IQCB1: variants seen among roughly 807,000 people sequenced by gnomAD.
IQCB1 encodes IQ calmodulin-binding motif-containing protein 1.
In IQCB1, 56 loss-of-function variants were observed where a neutral mutation model predicts 84.4. The ratio of observed to expected loss-of-function variants is 0.66; its 90% CI spans 0.54 to 0.83. The LOEUF (loss-of-function observed/expected upper bound fraction) is 0.83. Among genes scored for constraint, IQCB1 ranks in the 40% least tolerant of loss-of-function variants. The probability of loss-of-function intolerance (pLI) is 0.00; values close to 1 mark genes in which losing one functional copy is unlikely to be tolerated. For missense variants in IQCB1, 629 were observed against 682.1 expected (o/e 0.92, Z 0.87); for synonymous variants, 210 against 234.8 (o/e 0.89, Z 0.96).
intron 5 of IQCB1, among the ~76,000 whole-genome samples, chr3:121,823,644 A>C (rs1950351832): frequency 6.6e-6 from 1 of 152,206 alleles, no homozygotes; most frequent in African/African-American, 2.4e-5. Context: ...GGCATCATGA[A>C]GACATTTTCA....
At chr3:121,803,707 T>C (rs1949497247) in intron 7 of IQCB1, among the ~76,000 whole-genome samples, 1 of 152,210 alleles carries the variant, frequency 6.6e-6, no homozygotes, top group African/African-American at 2.4e-5. Context: ...TAACCTTCTT[T>C]AGCACTAGAA....
rs1269288704 is a variant in IQCB1, at chr3:121,787,260, T to C, written c.1278+1024A>G. 1.0e-4 allele frequency among the ~76,000 whole-genome samples: 12 copies of C among 115,300 alleles called. No individual in the cohort carries two copies. The East Asian group carries it at 1.8e-3, about 18-fold the overall frequency. 75.6% of individuals were successfully genotyped at this position (115,300 alleles called of 152,430 possible). ...AATCTGTCACAGTAGAAAACTGAAATTGACCTAAAAATTCAGTAAGGATTG... is the reference window on the plus strand; with the variant it reads ...AATCTGTCACAGTAGAAAACTGAAACTGACCTAAAAATTCAGTAAGGATTG... On this transcript the variant is annotated intron_variant, in intron 12 of 14. Transcript: ENST00000310864.
At chr3:121,794,284 T>C (rs1369392041) in intron 10 of IQCB1, among the ~76,000 whole-genome samples, 2 of 152,184 alleles carry the variant, frequency 1.3e-5, no homozygotes, top group African/African-American at 2.4e-5. Flanking sequence ...ATGTGCCATA[T>C]GCATTTTTCC....
intron 5 of IQCB1, among the ~76,000 whole-genome samples, chr3:121,820,735 TA>T (rs10716121): frequency 0.64 from 97,685 of 151,826 alleles, 31,923 homozygotes; most frequent in African/African-American, 0.71. Context: ...ATTATCTGTA[TA>T]AAAGCAGTGT....
At position 121,832,885 on chromosome 3, in the gene IQCB1, G is replaced by A. The variant is rs1269258941; in HGVS notation, c.-13+1506C>T. Among the ~76,000 whole-genome samples, 6 of 152,076 alleles carry A rather than the reference G, an allele frequency of 3.9e-5. No homozygotes were observed. In the East Asian group the frequency reaches 7.7e-4, roughly 20 times the overall value. On this transcript the variant is annotated intron_variant, in intron 2 of 14. Transcript: ENST00000310864. ...GCACACAGTAGTCATAAATTCATAA[G>A]GTAACTAGTTATGAATAGACATAAC...
chr3:121,818,924 C>T (rs547867724), intron 5 of IQCB1, among the ~76,000 whole-genome samples: 1 of 140,930 alleles, frequency 7.1e-6, no homozygotes, highest in African/African-American at 2.6e-5. Context: ...CAAACAGCAA[C>T]TTTTAAAAGC....
chr3:121,804,941 G>A (rs927884709), intron 7 of IQCB1, among the ~76,000 whole-genome samples: 1 of 151,914 alleles, frequency 6.6e-6, no homozygotes, highest in East Asian at 1.9e-4. Flanking sequence ...CTACTGATAC[G>A]CCTTAAAGTT....
intron 5 of IQCB1, among the ~76,000 whole-genome samples, chr3:121,824,810 A>T (rs1411386322): frequency 3.5e-5 from 4 of 115,592 alleles, no homozygotes; most frequent in Non-Finnish European, 7.2e-5. Flanking sequence ...TAAAAAGTAG[A>T]ACTGTAGACA....
At position 121,795,725 on chromosome 3, in the gene IQCB1, G is replaced by A. The variant is rs76562056; in HGVS notation, c.877-159C>T. 2.9e-3 allele frequency among the ~76,000 whole-genome samples: 441 copies of A among 152,214 alleles called. 2 individuals carry two copies. Among genetic ancestry groups the A allele is most frequent in the African/African-American group, 0.01 (418 of 41,542 alleles). On this transcript the variant is annotated intron_variant, in intron 9 of 14. Transcript: ENST00000310864. ...CTTACCTCCCAAAGGAGGTATGTTA[G>A]GCTTGGTAAGGCAATTTCTAGAACA...
intron 11 of IQCB1, 127 bp from the exon 12 acceptor site, chr3:121,788,559 C>A: frequency 1.0e-6 from 1 of 955,864 alleles, no homozygotes; most frequent in South Asian, 1.4e-5. Context: ...ACTAATTTTC[C>A]CAATTCTACT....
chr3:121,770,849 TC>T (rs2108504031), intron 14 of IQCB1, among the ~76,000 whole-genome samples: 1 of 152,246 alleles, frequency 6.6e-6, no homozygotes, highest in Admixed American at 6.5e-5. Flanking sequence ...TAATGTTTTT[TC>T]TTTTTTTGTA....
intron 7 of IQCB1, among the ~76,000 whole-genome samples, chr3:121,803,301 T>G (rs1949480932): frequency 6.6e-6 from 1 of 152,152 alleles, no homozygotes; most frequent in South Asian, 2.1e-4. Flanking sequence ...AGTGATCTGC[T>G]CACCTCAGCA....
At chr3:121,775,824 A>G (rs1286473930) in intron 13 of IQCB1, among the ~76,000 whole-genome samples, 2 of 152,192 alleles carry the variant, frequency 1.3e-5, no homozygotes, top group Non-Finnish European at 2.9e-5. Context: ...TTTGACATAC[A>G]CATACCTAGT....
intron 13 of IQCB1, among the ~76,000 whole-genome samples, chr3:121,777,899 T>C (rs1008216300): frequency 6.6e-6 from 1 of 152,056 alleles, no homozygotes; most frequent in African/African-American, 2.4e-5. Flanking sequence ...TCTGTTCATG[T>C]TTCTTGCCCA....
At chr3:121,805,836 T>C (rs1949582798) in intron 7 of IQCB1, among the ~76,000 whole-genome samples, 1 of 152,146 alleles carries the variant, frequency 6.6e-6, no homozygotes, top group Admixed American at 6.6e-5. Flanking sequence ...TGCAGATCTC[T>C]GGGGTTCTCT....
chr3:121,806,873 C>T (rs941556911), intron 7 of IQCB1, among the ~76,000 whole-genome samples: 4 of 152,048 alleles, frequency 2.6e-5, no homozygotes, highest in Non-Finnish European at 5.9e-5. Context: ...ATTGTGTATA[C>T]TCTGCCCTTC....
chr3:121,805,192 A>T lies in IQCB1; in HGVS notation c.587+2152T>A, dbSNP rs575918499. On this transcript the variant is annotated intron_variant, in intron 7 of 14. Coordinates refer to ENST00000310864, the MANE Select transcript of IQCB1 (RefSeq NM_001023570.4). ...TTTCTTGTTTATTTGCATGCCCAGT[A>T]CTTCAGTACCAGTAAAATCAAATCA... Among the ~76,000 whole-genome samples the T allele has an allele frequency of 6.6e-5, 10 of 152,276 alleles. No homozygotes were observed. The South Asian group carries it at 2.1e-3, about 32-fold the overall frequency.
At chr3:121,814,258 A>G (rs968803064) in intron 5 of IQCB1, among the ~76,000 whole-genome samples, 1 of 152,236 alleles carries the variant, frequency 6.6e-6, no homozygotes, top group African/African-American at 2.4e-5. Context: ...TCTGGGACTC[A>G]GCTAGAACAG....
Position 121,826,291 on chromosome 3 carries a change from G to C in IQCB1, c.264-111C>G, listed in dbSNP as rs1487160480. On this transcript the variant is annotated intron_variant, in intron 4 of 14. Transcript: ENST00000310864. ...TTTAGTATGCTTCTTTTGTTACCAA[G>C]ACAATAAAGAATTTTTGTTGAAAAA... 4 of 1,044,968 alleles carry C rather than the reference G, an allele frequency of 3.8e-6. No individual in the cohort carries two copies. In the African/African-American group the frequency reaches 6.4e-5, roughly 17 times the overall value. 64.7% of individuals were successfully genotyped at this position (1,044,968 alleles called of 1,614,324 possible).
Sources: gnomAD v4.1 joint callset for allele counts (sites outside exome capture counted in the v4.1 genomes callset) on GRCh38, gnomAD v4.1.1 for gene constraint, MANE v1.5 for transcripts, NCBI Gene and HGNC (gene_info 2026-07-23, HGNC 2026-07-21) for gene names.